Variants in COX5A observed in about 807,000 individuals in gnomAD.
COX5A encodes the protein cytochrome c oxidase subunit 5A, also known as cytochrome c oxidase subunit 5A, mitochondrial.
COX5A carries 6 observed loss-of-function variants against 16.1 expected under a neutral mutation model. That is an observed-to-expected ratio of 0.37 (90% CI 0.20 to 0.73). COX5A has a LOEUF of 0.73. Among genes scored for constraint, COX5A ranks in the 30% least tolerant of loss-of-function variants. COX5A has a pLI of 0.50. For missense variants in COX5A, 159 were observed against 194.9 expected, an observed-to-expected ratio of 0.82 and a Z score of 1.10; for synonymous variants, 73 against 73.8, an observed-to-expected ratio of 0.99 and a Z score of 0.06.
rs2065392371 is a variant in COX5A, at chr15:74,936,754, G to C, written c.100+1161C>G. 2.7e-5 allele frequency among the ~76,000 whole-genome samples: 4 copies of C among 150,602 alleles called. No homozygotes were observed. The South Asian group carries it at 8.4e-4, about 32-fold the overall frequency. On this transcript the variant is annotated intron_variant, in intron 1 of 4. Transcript: ENST00000322347. Reference sequence around the variant, plus strand: ...CGATTCTTGTGCTTCAGCCTCCCGAGTAGCTGGGATTACAGGCGCCCACCA... The same window carrying C: ...CGATTCTTGTGCTTCAGCCTCCCGACTAGCTGGGATTACAGGCGCCCACCA...
chr15:74,925,048 C>G (rs549436563), intron 3 of COX5A, among the ~76,000 whole-genome samples: 1 of 152,074 alleles, frequency 6.6e-6, no homozygotes, highest in South Asian at 2.1e-4. Flanking sequence ...GCCGGCCGGG[C>G]GTGGTGGCTC....
intron 4 of COX5A, among the ~76,000 whole-genome samples, chr15:74,921,456 G>A (rs1034846905): frequency 3.4e-5 from 5 of 148,806 alleles, no homozygotes; most frequent in Non-Finnish European, 5.9e-5. Context: ...AGGGCCAGAC[G>A]CGGTGGCTCA....
Position 74,920,238 on chromosome 15 carries a change from C to T in COX5A, c.*214G>A. 4 of 584,594 alleles carry T rather than the reference C, an allele frequency of 6.8e-6. No individual in the cohort carries two copies. The South Asian group carries it at 9.1e-5, about 13-fold the overall frequency. 36.2% of individuals were successfully genotyped at this position (584,594 alleles called of 1,614,324 possible). A position where few individuals can be genotyped will look rare whatever the true frequency, so the allele number is the denominator to read the frequency against. On this transcript the variant is annotated 3_prime_UTR_variant, in exon 5 of 5. Coordinates refer to ENST00000322347, the MANE Select transcript of COX5A (RefSeq NM_004255.4). ...TGAAACCAATACAGCACTTAATTTT[C>T]TGCTTATTAATGCAAACACATGAAA... is the stretch of plus-strand genomic sequence containing the variant.
Position 74,920,031 on chromosome 15 carries a change from C to T in COX5A, c.*421G>A, listed in dbSNP as rs1448915772. The T allele has an allele frequency of 7.0e-6, 2 of 287,130 alleles. No homozygotes were observed. The highest frequency in any genetic ancestry group is 1.3e-5 in the Non-Finnish European group (2 of 157,048). The allele number at this position is 287,130 out of a possible 1,614,324, so 17.8% of individuals were successfully genotyped here. On this transcript the variant is annotated 3_prime_UTR_variant, in exon 5 of 5. Coordinates refer to ENST00000322347, the MANE Select transcript of COX5A (RefSeq NM_004255.4). ...AAAGGTACACAATTTGATCTATCCC[C>T]ACAGACAACCAGTCCCCTAAGCCTA...
intron 3 of COX5A, among the ~76,000 whole-genome samples, chr15:74,925,370 CTA>C (rs2065338878): frequency 1.3e-5 from 2 of 151,924 alleles, no homozygotes; most frequent in South Asian, 4.1e-4. Flanking sequence ...ATATATCCTC[CTA>C]TGTTTTCATA....
chr15:74,920,029 C>A lies in COX5A; in HGVS notation c.*423G>T. The A allele has an allele frequency of 3.6e-6, 1 of 281,572 alleles. No individual in the cohort carries two copies. Among genetic ancestry groups the A allele is most frequent in the Non-Finnish European group, 6.5e-6 (1 of 153,402 alleles). 17.4% of individuals were successfully genotyped at this position (281,572 alleles called of 1,614,324 possible). A position where few individuals can be genotyped will look rare whatever the true frequency, so the allele number is the denominator to read the frequency against. On this transcript the variant is annotated 3_prime_UTR_variant, in exon 5 of 5. Transcript: ENST00000322347. ...GGAAAGGTACACAATTTGATCTATCCCCACAGACAACCAGTCCCCTAAGCC... is the reference window on the plus strand; with the variant it reads ...GGAAAGGTACACAATTTGATCTATCACCACAGACAACCAGTCCCCTAAGCC...
intron 1 of COX5A, among the ~76,000 whole-genome samples, chr15:74,934,839 C>A (rs552331651): frequency 1.3e-5 from 2 of 152,172 alleles, no homozygotes; most frequent in African/African-American, 4.8e-5. Context: ...TTACTCAGAG[C>A]TTTTACGTAA....
chr15:74,920,706 G>A (rs754258383), intron 4 of COX5A, among the ~76,000 whole-genome samples: 31 of 152,102 alleles, frequency 2.0e-4, no homozygotes, highest in African/African-American at 3.9e-4. Flanking sequence ...GGCCGGACAC[G>A]GTGACTCATG....
chr15:74,920,445 G>A lies in COX5A; in HGVS notation c.*10-3C>T, dbSNP rs1373107928. 3 of 690,154 alleles carry A rather than the reference G, an allele frequency of 4.3e-6. No homozygotes were observed. The South Asian group carries it at 4.7e-5, about 11-fold the overall frequency. The allele number at this position is 690,154 out of a possible 1,614,324, so 42.8% of individuals were successfully genotyped here. A position where few individuals can be genotyped will look rare whatever the true frequency, so the allele number is the denominator to read the frequency against. On this transcript the variant is annotated splice_polypyrimidine_tract_variant and splice_region_variant and intron_variant, in intron 4 of 4. Transcript: ENST00000322347. ...AATAAATCCTTGGGGAAGCCCATCT[G>A]TAAGAGAAAACACAAAGAATTAGCC... is the stretch of plus-strand genomic sequence containing the variant.
rs140891101 is a variant in COX5A, at chr15:74,926,878, G to A, written c.227C>T (p.Thr76Ile). The A allele has an allele frequency of 1.1e-4, 175 of 1,611,848 alleles. 1 individual carries two copies. The highest frequency in any genetic ancestry group is 1.4e-4 in the Non-Finnish European group (171 of 1,179,358). Residue 76 changes from threonine (T) to isoleucine (I), a missense_variant, in exon 3 of 5, where the codon ACA becomes ATA. Coordinates refer to ENST00000322347, the MANE Select transcript of COX5A (RefSeq NM_004255.4). The stretch of plus-strand genomic sequence containing the variant: ...TGGAACCATATCATAGGTAACAAGT[G>A]TGTTTATCCCTGCAAAATTAAAAAG... ...DAWELRKGINTLVTYDMVPEP... is the reference protein window; with the variant it reads ...DAWELRKGINILVTYDMVPEP...
chr15:74,935,870 G>A (rs376789568), intron 1 of COX5A, among the ~76,000 whole-genome samples: 7 of 152,132 alleles, frequency 4.6e-5, no homozygotes, highest in South Asian at 4.2e-4. Flanking sequence ...GATTACAGGC[G>A]TGAGCCACCG....
intron 1 of COX5A, among the ~76,000 whole-genome samples, chr15:74,932,051 TAA>T (rs1412259171): frequency 6.6e-6 from 1 of 152,196 alleles, no homozygotes; most frequent in East Asian, 1.9e-4. Flanking sequence ...AAAATTAACT[TAA>T]GTTTATTTTC....
chr15:74,921,414 AAAAAAAAAAAAAG>A (rs1032656987), intron 4 of COX5A, among the ~76,000 whole-genome samples: 1 of 148,664 alleles, frequency 6.7e-6, no homozygotes, highest in Non-Finnish European at 1.5e-5. Context: ...TCTCAAAAAA[AAAAAAAAAAAAAG>A]AAAAAGAATA....
chr15:74,923,999 G>T (rs892927877), intron 3 of COX5A, among the ~76,000 whole-genome samples: 1 of 151,836 alleles, frequency 6.6e-6, no homozygotes, highest in African/African-American at 2.4e-5. Context: ...GGACAACATG[G>T]TGAAATCCCG....
chr15:74,924,115 A>C (rs1022103008), intron 3 of COX5A, among the ~76,000 whole-genome samples: 2 of 152,058 alleles, frequency 1.3e-5, no homozygotes, highest in African/African-American at 4.8e-5. Context: ...CGGGAAGCGG[A>C]GGTTGCAGTG....
chr15:74,929,332 G>A, intron 1 of COX5A, 100 bp from the exon 2 acceptor site: 1 of 753,040 alleles, frequency 1.3e-6, no homozygotes, highest in Non-Finnish European at 2.3e-6. Context: ...TGTTGTGGCA[G>A]CAAAAATATT....
chr15:74,924,288 C>T (rs1211328586), intron 3 of COX5A, among the ~76,000 whole-genome samples: 1 of 152,020 alleles, frequency 6.6e-6, no homozygotes, highest in African/African-American at 2.4e-5. Context: ...CCTGTAATTC[C>T]AGCACTTTGG....
intron 4 of COX5A, among the ~76,000 whole-genome samples, chr15:74,920,875 G>A (rs1434067173): frequency 1.3e-5 from 2 of 152,028 alleles, no homozygotes; most frequent in South Asian, 2.1e-4. Flanking sequence ...CTACTCGGGA[G>A]GCTAAGGCAC....
chr15:74,936,355 T>G (rs960091279), intron 1 of COX5A, among the ~76,000 whole-genome samples: 6 of 151,506 alleles, frequency 4.0e-5, no homozygotes, highest in African/African-American at 1.5e-4. Flanking sequence ...TGGACTTTGG[T>G]TTCCTTTTCT....
Sources: allele counts gnomAD v4.1 joint callset (sites outside exome capture counted in the v4.1 genomes callset), GRCh38; gene constraint gnomAD v4.1.1; transcripts MANE v1.5; gene names NCBI Gene and HGNC (gene_info 2026-07-23, HGNC 2026-07-21).